Variants in GPHN observed in about 807,000 individuals in gnomAD.
The protein encoded by GPHN is gephyrin.
A neutral mutation model predicts 95.5 loss-of-function variants in GPHN; 17 were observed. The observed-to-expected ratio is 0.18, with a 90% CI of 0.12 to 0.27. The LOEUF (loss-of-function observed/expected upper bound fraction) is 0.27. Ranked by LOEUF, GPHN falls within the 10% of genes least tolerant of loss-of-function variation. The pLI, the probability that GPHN is intolerant of heterozygous loss-of-function variation, is 1.00. For missense variants in GPHN, 660 were observed against 978.1 expected, an observed-to-expected ratio of 0.67 and a Z score of 4.34; for synonymous variants, 320 against 322.5, an observed-to-expected ratio of 0.99 and a Z score of 0.08.
chr14:67,149,416 A>G (rs2081111637), intron 18 of GPHN, among the ~76,000 whole-genome samples: 1 of 152,206 alleles, frequency 6.6e-6, no homozygotes, highest in Non-Finnish European at 1.5e-5. Flanking sequence ...AATGAACCAA[A>G]TGTTTTTTTA....
chr14:67,601,515 G>C, the GPHN span, among the ~76,000 whole-genome samples: 2 of 152,160 alleles, frequency 1.3e-5, no homozygotes, highest in Non-Finnish European at 2.9e-5. Flanking sequence ...AGAAGAAATG[G>C]ATAATAAAAT....
the GPHN span, chr14:67,725,013 C>T: frequency 6.9e-7 from 1 of 1,450,610 alleles, no homozygotes. Context: ...AATGAATGCT[C>T]TGTCCCCCAG....
At chr14:66,569,460 C>G (rs991307538) in intron 1 of GPHN, among the ~76,000 whole-genome samples, 2 of 151,922 alleles carry the variant, frequency 1.3e-5, no homozygotes, top group Non-Finnish European at 2.9e-5. Flanking sequence ...GTCAGGAGTT[C>G]GAGACCAGCC....
At chr14:67,225,027 T>C in the GPHN span, 1 of 1,195,192 alleles carries the variant, frequency 8.4e-7, no homozygotes. Context: ...GTGCCTTTTT[T>C]TTCCTCCTGC....
chr14:66,597,145 C>T (rs1456558217), intron 1 of GPHN, among the ~76,000 whole-genome samples: 2 of 152,170 alleles, frequency 1.3e-5, no homozygotes, highest in Non-Finnish European at 2.9e-5. Flanking sequence ...AGCCAAGTTT[C>T]CATTTGCATG....
chr14:67,302,694 T>C, the GPHN span: 2 of 722,860 alleles, frequency 2.8e-6, no homozygotes, highest in Non-Finnish European at 4.0e-6. Flanking sequence ...GATTTTTCCA[T>C]GATGTAACTG....
At chr14:66,847,675 G>A (rs2062391880) in intron 4 of GPHN, among the ~76,000 whole-genome samples, 1 of 152,056 alleles carries the variant, frequency 6.6e-6, no homozygotes, top group South Asian at 2.1e-4. Context: ...ACAGCAGAAT[G>A]TATTCAAGAC....
At chr14:67,137,625 T>A (rs559724063) in intron 17 of GPHN, among the ~76,000 whole-genome samples, 19 of 151,998 alleles carry the variant, frequency 1.3e-4, no homozygotes, top group Admixed American at 1.2e-3. Flanking sequence ...ATTATCCAGG[T>A]GTGGTGGCGC....
chr14:67,310,429 C>G, the GPHN span, among the ~76,000 whole-genome samples: 8 of 152,102 alleles, frequency 5.3e-5, no homozygotes, highest in South Asian at 2.1e-4. Context: ...TTCTAGAAAT[C>G]AGGATGATGT....
chr14:67,219,143 G>T, the GPHN span, among the ~76,000 whole-genome samples: 1 of 152,140 alleles, frequency 6.6e-6, no homozygotes, highest in Admixed American at 6.5e-5. Context: ...TTAACCTGGG[G>T]CAATGCAGCT....
Position 66,898,407 on chromosome 14 carries a change from G to A in GPHN, c.390-17596G>A, listed in dbSNP as rs1375517701. On this transcript the variant is annotated intron_variant, in intron 5 of 22. Transcript: ENST00000478722. ...TGAGTTTAGGTTGAGGTGTTTTTTC[G>A]TTTGGTTGGTTGGTTGGTTTTTGTG... is the stretch of plus-strand genomic sequence containing the variant. Among the ~76,000 whole-genome samples, 8 of 114,916 alleles carry A rather than the reference G, an allele frequency of 7.0e-5. 1 individual carries two copies. Among genetic ancestry groups the A allele is most frequent in the Admixed American group, 2.1e-4 (2 of 9,638 alleles). The allele number at this position is 114,916 out of a possible 152,430, so 75.4% of individuals were successfully genotyped here. A position where few individuals can be genotyped will look rare whatever the true frequency, so the allele number is the denominator to read the frequency against.
chr14:66,634,901 T>C (rs534932819), intron 1 of GPHN, among the ~76,000 whole-genome samples: 1 of 152,354 alleles, frequency 6.6e-6, no homozygotes, highest in African/African-American at 2.4e-5. Context: ...TGTATATTGC[T>C]GTATAACAAT....
chr14:66,831,731 C>T (rs2153500172), intron 4 of GPHN, among the ~76,000 whole-genome samples: 1 of 152,298 alleles, frequency 6.6e-6, no homozygotes, highest in East Asian at 1.9e-4. Flanking sequence ...TGCCTACCTA[C>T]ATCTCAAAAT....
chr14:67,345,786 CACCA>C, the GPHN span: 1 of 1,613,624 alleles, frequency 6.2e-7, no homozygotes, highest in Admixed American at 1.7e-5. Context: ...AAGCTAGTTC[CACCA>C]GTAGTTCCAC....
chr14:66,558,064 A>C (rs1408168978), intron 1 of GPHN, among the ~76,000 whole-genome samples: 1 of 152,130 alleles, frequency 6.6e-6, no homozygotes, highest in Non-Finnish European at 1.5e-5. Context: ...AAGTTACAAA[A>C]ACCTTCTCAA....
At chr14:66,742,955 G>A (rs10129788) in intron 2 of GPHN, among the ~76,000 whole-genome samples, 47,281 of 151,840 alleles carry the variant, frequency 0.31, 11,186 homozygotes, top group African/African-American at 0.64. Context: ...TAGTAGAGAC[G>A]GGGTTTCACC....
At chr14:66,917,819 G>A (rs1392021012) in intron 6 of GPHN, among the ~76,000 whole-genome samples, 1 of 152,162 alleles carries the variant, frequency 6.6e-6, no homozygotes, top group Non-Finnish European at 1.5e-5. Flanking sequence ...ATTCCATGCT[G>A]TGGTTGACAC....
the GPHN span, chr14:67,600,273 G>A: frequency 1.5e-6 from 2 of 1,310,452 alleles, no homozygotes; most frequent in East Asian, 2.8e-5. Context: ...CGTCTCGCCC[G>A]CTCCAGACCC....
intron 3 of GPHN, among the ~76,000 whole-genome samples, chr14:66,797,889 C>T (rs2060214630): frequency 6.6e-6 from 1 of 151,976 alleles, no homozygotes; most frequent in Non-Finnish European, 1.5e-5. Context: ...AATGGGCATA[C>T]TGGTCTTCTA....
Sources: gnomAD v4.1 joint callset for allele counts (sites outside exome capture counted in the v4.1 genomes callset) on GRCh38, gnomAD v4.1.1 for gene constraint, MANE v1.5 for transcripts, NCBI Gene and HGNC (gene_info 2026-07-23, HGNC 2026-07-21) for gene names.